The following SLC38A7 variants were observed in gnomAD, a reference collection of about 807,000 sequenced individuals.
The protein encoded by SLC38A7 is solute carrier family 38 member 7, also known as sodium-coupled neutral amino acid transporter 7.
Under a neutral mutation model 50.1 loss-of-function variants are expected in SLC38A7, and 29 were observed. The observed-to-expected ratio is 0.58, with a 90% CI of 0.43 to 0.79. SLC38A7 has a LOEUF of 0.79. Among genes scored for constraint, SLC38A7 ranks in the 30% least tolerant of loss-of-function variants. The probability of loss-of-function intolerance (pLI) is 0.00; values close to 1 mark genes in which losing one functional copy is unlikely to be tolerated. For missense variants in SLC38A7, 483 were observed against 610.6 expected (o/e 0.79, Z 2.20); for synonymous variants, 244 against 245.9 (o/e 0.99, Z 0.07).
chr16:58,674,497 G>C (rs1194330244), intron 8 of SLC38A7, among the ~76,000 whole-genome samples: 1 of 151,952 alleles, frequency 6.6e-6, no homozygotes, highest in African/African-American at 2.4e-5. Flanking sequence ...AGCCTGTCTT[G>C]AACTCCTGGG....
intron 8 of SLC38A7, chr16:58,675,445 G>A (rs538053362): frequency 8.3e-6 from 3 of 359,830 alleles, no homozygotes; most frequent in South Asian, 6.9e-5. Context: ...ACCTCAGCAG[G>A]TTGAGGTTGC....
At position 58,671,245 on chromosome 16, in the gene SLC38A7, C is replaced by T. The variant is rs371652028; in HGVS notation, c.1032-1G>A. ...CAGCCACAGGCCTTCCACCACCGCC[C>T]TGCCCACATGGAGAAGGGCTTAGAG... is the stretch of plus-strand genomic sequence containing the variant. On this transcript the variant is annotated splice_acceptor_variant, in intron 9 of 11. Transcript: ENST00000219320. LOFTEE classifies it high-confidence loss of function. The T allele has an allele frequency of 1.2e-6, 2 of 1,613,488 alleles. No individual in the cohort carries two copies. Among genetic ancestry groups the T allele is most frequent in the Non-Finnish European group, 1.7e-6 (2 of 1,179,732 alleles).
chr16:58,675,959 G>A lies in SLC38A7; in HGVS notation c.864C>T (p.Leu288=), dbSNP rs146582562. The change falls in exon 8 of 12, where the codon CTC becomes CTT. Residue 288 remains leucine (L), a synonymous_variant. Coordinates refer to ENST00000219320, the MANE Select transcript of SLC38A7 (RefSeq NM_018231.3). Reference sequence around the variant, plus strand: ...ACTCACCTGTCCCCATGTAGACAGCGAGGGCTATGACCATGGCAGCTGTCA... The same window carrying A: ...ACTCACCTGTCCCCATGTAGACAGCAAGGGCTATGACCATGGCAGCTGTCA... ...GVVTAAMVIA[L]AVYMGTGICG... 2.7e-3 allele frequency: 4,408 copies of A among 1,612,656 alleles called. 76 individuals carry two copies. The highest frequency in any genetic ancestry group is 9.3e-3 in the East Asian group (415 of 44,830).
At chr16:58,671,941 G>T in intron 9 of SLC38A7, 155 bp downstream of exon 9, 1 of 851,716 alleles carries the variant, frequency 1.2e-6, no homozygotes, top group Non-Finnish European at 1.7e-6. Context: ...CTGACACCTG[G>T]CCTGGGATAT....
Position 58,676,007 on chromosome 16 carries a change from T to G in SLC38A7, c.816A>C (p.Glu272Asp), listed in dbSNP as rs1304812672. The G allele has an allele frequency of 1.9e-5, 30 of 1,613,800 alleles. No homozygotes were observed. The highest frequency in any genetic ancestry group is 2.5e-5 in the Non-Finnish European group (30 of 1,179,902). ...VPVFNSMQQP[E>D]VKTWGGVVTA... ...TCACCACTCCACCCCAGGTCTTCACTTCAGGCTGCTGCATGCTGTTGAAGA... is the reference window on the plus strand; with the variant it reads ...TCACCACTCCACCCCAGGTCTTCACGTCAGGCTGCTGCATGCTGTTGAAGA... Residue 272 changes from glutamate (E) to aspartate (D), a missense_variant, in exon 8 of 12, where the codon GAA becomes GAC. Transcript: ENST00000219320.
At chr16:58,673,662 C>T (rs1237600510) in intron 8 of SLC38A7, among the ~76,000 whole-genome samples, 1 of 139,776 alleles carries the variant, frequency 7.2e-6, no homozygotes, top group Non-Finnish European at 1.5e-5. Context: ...CAGTGCCTGG[C>T]CGTTTTTTTT....
chr16:58,675,920 T>C lies in SLC38A7; in HGVS notation c.883+20A>G. The C allele has an allele frequency of 2.0e-6, 3 of 1,504,760 alleles. No homozygotes were observed. The highest frequency in any genetic ancestry group is 2.7e-6 in the Non-Finnish European group (3 of 1,102,782). The allele number at this position is 1,504,760 out of a possible 1,614,324, so 93.2% of individuals were successfully genotyped here. ...GTGAGAGCACTCTAGTCCCAGGTCT[T>C]GGGGGGGGGGAGCACTCACCTGTCC... On this transcript the variant is annotated intron_variant, in intron 8 of 11. Coordinates refer to ENST00000219320, the MANE Select transcript of SLC38A7 (RefSeq NM_018231.3).
Position 58,680,155 on chromosome 16 carries a change from C to G in SLC38A7, c.-29G>C, listed in dbSNP as rs2271946. The G allele has an allele frequency of 6.6e-6, 10 of 1,509,178 alleles. No individual in the cohort carries two copies. The East Asian group carries it at 2.3e-4, about 35-fold the overall frequency. The allele number at this position is 1,509,178 out of a possible 1,614,324, so 93.5% of individuals were successfully genotyped here. ...CCCGAGAGCCTTCTTCCTGCAAGGTCTGTGGGTTCTGCCTTACAACCACAT... is the reference window on the plus strand; with the variant it reads ...CCCGAGAGCCTTCTTCCTGCAAGGTGTGTGGGTTCTGCCTTACAACCACAT... On this transcript the variant is annotated 5_prime_UTR_variant, in exon 3 of 12. Coordinates refer to ENST00000219320, the MANE Select transcript of SLC38A7 (RefSeq NM_018231.3).
At chr16:58,671,491 G>T in intron 9 of SLC38A7, 1 of 579,464 alleles carries the variant, frequency 1.7e-6, no homozygotes, top group Non-Finnish European at 3.1e-6. Context: ...TCCTTAAAAG[G>T]AACTGTCTGG....
At position 58,672,141 on chromosome 16, in the gene SLC38A7, A is replaced by T; in HGVS notation, c.986T>A (p.Ile329Asn). 6.4e-7 allele frequency: 1 copy of T among 1,562,672 alleles called. No homozygotes were observed. Among genetic ancestry groups the T allele is most frequent in the East Asian group, 2.4e-5 (1 of 41,760 alleles). ...AGGGTAGGAGGTGAGCACGCTCAGG[A>T]TGATGAAGGCTCGGGCAACGGCCAC... ...MAVAVARAFIILSVLTSYPIL... is the reference protein window; with the variant it reads ...MAVAVARAFINLSVLTSYPIL... The change falls in exon 9 of 12, where the codon ATC becomes AAC. Residue 329 changes from isoleucine (I) to asparagine (N), a missense_variant. Ile to Asn is a moderately radical substitution (Grantham distance 149). Coordinates refer to ENST00000219320, the MANE Select transcript of SLC38A7 (RefSeq NM_018231.3).
At chr16:58,668,779 CTTT>C (rs959046124) in intron 11 of SLC38A7, among the ~76,000 whole-genome samples, 12 of 135,380 alleles carry the variant, frequency 8.9e-5, no homozygotes, top group Non-Finnish European at 1.9e-4. Context: ...TCTTCTTCTT[CTTT>C]TTCTTTTTTT....
rs745888167 is a variant in SLC38A7 at position 58,672,102 on chromosome 16, C to T, written c.1025G>A (p.Cys342Tyr). The change falls in exon 9 of 12, where the codon TGT becomes TAT. Residue 342 changes from cysteine to tyrosine, a missense_variant. Physicochemically the swap from Cys to Tyr is radical, Grantham distance 194. Coordinates refer to ENST00000219320, the MANE Select transcript of SLC38A7 (RefSeq NM_018231.3). Reference protein sequence around the residue: ...VLTSYPILHFCGRAVVEGLWL... With the variant: ...VLTSYPILHFYGRAVVEGLWL... Reference sequence around the variant, plus strand: ...GGAGTGGAAGGGGGCTCACCGCCCACAGAAGTGCAGGATAGGGTAGGAGGT... The same window carrying T: ...GGAGTGGAAGGGGGCTCACCGCCCATAGAAGTGCAGGATAGGGTAGGAGGT... The T allele has an allele frequency of 1.3e-6, 2 of 1,556,296 alleles. No homozygotes were observed. Among genetic ancestry groups the T allele is most frequent in the Non-Finnish European group, 1.7e-6 (2 of 1,150,072 alleles).
intron 8 of SLC38A7, chr16:58,675,273 G>A (rs1196027738): frequency 1.7e-5 from 7 of 407,884 alleles, no homozygotes; most frequent in South Asian, 3.7e-5. Flanking sequence ...TTGGGAGGCC[G>A]AGGCAGGAGA....
At chr16:58,679,407 G>C (rs2044338654) in intron 3 of SLC38A7, among the ~76,000 whole-genome samples, 2 of 152,012 alleles carry the variant, frequency 1.3e-5, no homozygotes, top group South Asian at 4.1e-4. Flanking sequence ...AAAAAGTAAA[G>C]AGAATAGTAA....
intron 8 of SLC38A7, 106 bp downstream of exon 8, chr16:58,675,834 C>G (rs2044252494): frequency 5.9e-6 from 5 of 842,288 alleles, no homozygotes; most frequent in Non-Finnish European, 9.3e-6. Flanking sequence ...ACAAGTCATG[C>G]TGGGAATGCA....
chr16:58,674,701 G>A (rs1334069739), intron 8 of SLC38A7, among the ~76,000 whole-genome samples: 1 of 152,046 alleles, frequency 6.6e-6, no homozygotes. Context: ...TGTCTCCCCA[G>A]CCAGGACATG....
At chr16:58,679,802 T>C in intron 3 of SLC38A7, 55 bp downstream of exon 3, 1 of 1,607,530 alleles carries the variant, frequency 6.2e-7, no homozygotes, top group South Asian at 1.1e-5. Context: ...GCCTCCCTTT[T>C]GAGGCAAAGC....
rs748996093 is a variant in SLC38A7 at position 58,678,318 on chromosome 16, C to T, written c.611+15G>A. On this transcript the variant is annotated intron_variant, in intron 5 of 11. Transcript: ENST00000219320. The surrounding 1 kb of genome is among the most constrained non-coding windows in gnomAD (Gnocchi z 4.0). ...GATCATAGCTTCTGTCTGACCCAGGCTGGGGCCTCCAAACCTGGCATATTT... is the reference window on the plus strand; with the variant it reads ...GATCATAGCTTCTGTCTGACCCAGGTTGGGGCCTCCAAACCTGGCATATTT... 4 of 1,535,732 alleles carry T rather than the reference C, an allele frequency of 2.6e-6. No individual in the cohort carries two copies. In the South Asian group the frequency reaches 3.9e-5, roughly 15 times the overall value.
At chr16:58,676,092 A>G (rs1251013387) in intron 7 of SLC38A7, 38 bp from the exon 8 acceptor site, 8 of 1,598,038 alleles carry the variant, frequency 5.0e-6, no homozygotes, top group African/African-American at 1.3e-5. Context: ...TGGGGAAATG[A>G]CCTCAACCCC....
Sources: gnomAD v4.1 joint callset for allele counts (sites outside exome capture counted in the v4.1 genomes callset) on GRCh38, gnomAD v4.1.1 for gene constraint, Gnocchi (gnomAD v3.1) non-coding constraint, MANE v1.5 for transcripts, NCBI Gene and HGNC (gene_info 2026-07-23, HGNC 2026-07-21) for gene names.